The following SAMMSON variants were observed in gnomAD, a reference collection of about 807,000 sequenced individuals.
SAMMSON encodes the protein survival associated mitochondrial melanoma specific oncogenic non-coding RNA.
chr3:70,387,802 T>C (rs1018815638), intron 9 of SAMMSON, among the ~76,000 whole-genome samples: 1 of 152,108 alleles, frequency 6.6e-6, no homozygotes, highest in Non-Finnish European at 1.5e-5. Context: ...ACAGGGGCTG[T>C]ATTAAATGTT....
chr3:70,414,870 T>A (rs986953328), intron 2 of SAMMSON, among the ~76,000 whole-genome samples: 1 of 152,180 alleles, frequency 6.6e-6, no homozygotes. Flanking sequence ...TCAAAGAAAT[T>A]TCTAAAGTAA....
chr3:70,201,851 G>A (rs1701243126), intron 4 of SAMMSON, among the ~76,000 whole-genome samples: 1 of 152,144 alleles, frequency 6.6e-6, no homozygotes, highest in Admixed American at 6.5e-5. Context: ...TGCTCTTAGT[G>A]GCTTCTGTCT....
intron 1 of SAMMSON, among the ~76,000 whole-genome samples, chr3:70,007,260 A>G (rs1261002032): frequency 6.6e-6 from 1 of 152,182 alleles, no homozygotes; most frequent in Non-Finnish European, 1.5e-5. Context: ...TTACAGTCCC[A>G]ACAACAGTGT....
At chr3:70,221,017 C>T (rs1369031443) in intron 4 of SAMMSON, among the ~76,000 whole-genome samples, 1 of 152,112 alleles carries the variant, frequency 6.6e-6, no homozygotes, top group East Asian at 1.9e-4. Flanking sequence ...GGCTGCTAGT[C>T]TATTTGCTTT....
intron 7 of SAMMSON, among the ~76,000 whole-genome samples, chr3:70,347,429 A>T (rs1181351132): frequency 2.0e-5 from 3 of 146,392 alleles, no homozygotes; most frequent in Non-Finnish European, 4.5e-5. Flanking sequence ...AATTTTTCGG[A>T]ACTGGCCTAA....
chr3:70,374,908 GCTTTTGCTGTGGCTTATTCATCTTAACC>G (rs1277909448), intron 9 of SAMMSON, among the ~76,000 whole-genome samples: 4 of 152,084 alleles, frequency 2.6e-5, no homozygotes, highest in African/African-American at 9.7e-5. Flanking sequence ...GAGAGAGTGG[GCTTTTGCTGTGGCTTATTCATCTTAACC>G]CTTCAACATT....
intron 7 of SAMMSON, among the ~76,000 whole-genome samples, chr3:70,316,993 G>A (rs746264697): frequency 5.3e-5 from 8 of 152,024 alleles, no homozygotes; most frequent in Non-Finnish European, 1.2e-4. Flanking sequence ...CTAGTAGGTG[G>A]TGTGTTACGG....
intron 4 of SAMMSON, among the ~76,000 whole-genome samples, chr3:70,103,685 A>T (rs1420945981): frequency 2.0e-5 from 3 of 152,162 alleles, no homozygotes; most frequent in Non-Finnish European, 4.4e-5. Flanking sequence ...GAAGGTAGAA[A>T]ACTTCTTATT....
At chr3:70,387,990 T>TTTG (rs1207081309) in intron 9 of SAMMSON, among the ~76,000 whole-genome samples, 1 of 152,112 alleles carries the variant, frequency 6.6e-6, no homozygotes, top group African/African-American at 2.4e-5. Flanking sequence ...TTGTTTTGGT[T>TTTG]TTGTTTGTTT....
At chr3:70,386,914 G>C (rs577777095) in intron 9 of SAMMSON, among the ~76,000 whole-genome samples, 60 of 152,204 alleles carry the variant, frequency 3.9e-4, no homozygotes, top group African/African-American at 1.3e-3. Context: ...AAAGATGGCA[G>C]TGTGCCTTCC....
intron 1 of SAMMSON, among the ~76,000 whole-genome samples, chr3:70,009,967 C>A (rs2066946945): frequency 6.7e-6 from 1 of 149,242 alleles, no homozygotes; most frequent in Admixed American, 6.7e-5. Flanking sequence ...ATTTCTTAAT[C>A]CTGAGTTCTA....
At chr3:70,065,520 G>A (rs557298272) in intron 3 of SAMMSON, among the ~76,000 whole-genome samples, 1 of 151,280 alleles carries the variant, frequency 6.6e-6, no homozygotes, top group Non-Finnish European at 1.5e-5. Flanking sequence ...TTTGTGTTTT[G>A]TTTTTTTTAG....
intron 4 of SAMMSON, among the ~76,000 whole-genome samples, chr3:70,239,196 C>T (rs758944925): frequency 2.6e-5 from 4 of 152,120 alleles, no homozygotes; most frequent in Non-Finnish European, 5.9e-5. Flanking sequence ...ATGTTGAGTA[C>T]GTACTCAGTT....
At chr3:70,308,170 T>C (rs75023784) in intron 7 of SAMMSON, among the ~76,000 whole-genome samples, 5,841 of 152,226 alleles carry the variant, frequency 0.038, 160 homozygotes, top group East Asian at 0.08. Context: ...CTGGCCTCAG[T>C]CTGTCTAGTA....
chr3:70,430,771 T>C (rs1701407343), intron 2 of SAMMSON, among the ~76,000 whole-genome samples: 1 of 152,168 alleles, frequency 6.6e-6, no homozygotes, highest in Admixed American at 6.5e-5. Flanking sequence ...CCCATCAGAT[T>C]AATCAAGAAT....
intron 6 of SAMMSON, among the ~76,000 whole-genome samples, chr3:70,268,287 A>G (rs9310186): frequency 0.47 from 71,760 of 151,844 alleles, 17,841 homozygotes; most frequent in East Asian, 0.76. Context: ...CCTGGACAGC[A>G]CGGAGAAACA....
intron 4 of SAMMSON, among the ~76,000 whole-genome samples, chr3:70,175,307 A>T (rs1465374215): frequency 6.6e-6 from 1 of 152,070 alleles, no homozygotes; most frequent in Non-Finnish European, 1.5e-5. Context: ...TCTAATACAT[A>T]TGTCCTTCCT....
At chr3:70,057,583 C>A (rs2067172729) in intron 3 of SAMMSON, among the ~76,000 whole-genome samples, 1 of 151,870 alleles carries the variant, frequency 6.6e-6, no homozygotes, top group Non-Finnish European at 1.5e-5. Flanking sequence ...TTTCCTTTGG[C>A]TGATTTGCTG....
intron 4 of SAMMSON, among the ~76,000 whole-genome samples, chr3:70,158,693 G>A (rs374312948): frequency 8.6e-5 from 13 of 151,960 alleles, no homozygotes; most frequent in African/African-American, 3.1e-4. Context: ...AACATTGCTT[G>A]TAACTGTAAA....
Sources: allele counts gnomAD v4.1 joint callset (sites outside exome capture counted in the v4.1 genomes callset), GRCh38; gene constraint gnomAD v4.1.1; transcripts MANE v1.5; gene names NCBI Gene and HGNC (gene_info 2026-07-23, HGNC 2026-07-21).